EPS15L1: variants seen among roughly 807,000 people sequenced by gnomAD.
EPS15L1 encodes the protein epidermal growth factor receptor substrate 15-like 1.
Under a neutral mutation model 117.1 loss-of-function variants are expected in EPS15L1, and 43 were observed. That is an observed-to-expected ratio of 0.37 (90% CI 0.29 to 0.47). The LOEUF (loss-of-function observed/expected upper bound fraction) is 0.47. EPS15L1 is among the 20% of genes least tolerant of loss of function. The pLI is 0.99. For synonymous variants in EPS15L1, 459 were observed against 470.5 expected, an observed-to-expected ratio of 0.98 and a Z score of 0.32; for missense variants, 981 against 1,164.0, an observed-to-expected ratio of 0.84 and a Z score of 2.29.
intron 7 of EPS15L1, among the ~76,000 whole-genome samples, chr19:16,433,443 T>C (rs899372853): frequency 1.3e-5 from 2 of 152,134 alleles, no homozygotes; most frequent in Non-Finnish European, 2.9e-5. Context: ...AGACTTTCTT[T>C]AAAGAGAATG....
At position 16,471,966 on chromosome 19, in the gene EPS15L1, C is replaced by G; in HGVS notation, c.-21G>C. On this transcript the variant is annotated 5_prime_UTR_variant, in exon 1 of 24. Transcript: ENST00000455140. This position sits in a 1 kb window ranked among gnomAD's most constrained non-coding sequence, Gnocchi z 4.8. ...GCCATCTTCCCGCGGACTCGGGCTC[C>G]GAGCGCCGGGGGAACGGGGGCGGGG... 7.8e-7 allele frequency: 1 copy of G among 1,280,908 alleles called. No homozygotes were observed. The highest frequency in any genetic ancestry group is 9.8e-7 in the Non-Finnish European group (1 of 1,015,270). 79.3% of individuals were successfully genotyped at this position (1,280,908 alleles called of 1,614,324 possible).
intron 16 of EPS15L1, chr19:16,401,211 G>T (rs976842375): frequency 2.0e-6 from 2 of 985,342 alleles, no homozygotes; most frequent in Admixed American, 6.2e-5. Flanking sequence ...ACCCAGCGGG[G>T]GCCAGACACA....
intron 13 of EPS15L1, among the ~76,000 whole-genome samples, chr19:16,406,546 G>T (rs1189024801): frequency 6.6e-6 from 1 of 152,168 alleles, no homozygotes; most frequent in Non-Finnish European, 1.5e-5. Context: ...TCTAACCCTG[G>T]CCCCATCACC....
intron 2 of EPS15L1, 80 bp from the exon 3 acceptor site, chr19:16,442,061 TC>T (rs2093037627): frequency 6.8e-7 from 1 of 1,480,274 alleles, no homozygotes; most frequent in African/African-American, 1.4e-5. Flanking sequence ...ACGCTAACTA[TC>T]CGCTGACAGT....
Position 16,383,629 on chromosome 19 carries a change from G to T in EPS15L1, c.2247+1500C>A. On this transcript the variant is annotated intron_variant, in intron 21 of 23. Coordinates refer to ENST00000455140, the MANE Select transcript of EPS15L1 (RefSeq NM_001258374.3). The surrounding 1 kb of genome is among the most constrained non-coding windows in gnomAD (Gnocchi z 5.2). ...ATGCCAGGGCCTCTGGGCTCCCTCT[G>T]CCCAGGCTCATCTGTGTAAACACAC... The T allele has an allele frequency of 6.6e-6, 1 of 152,342 alleles. No individual in the cohort carries two copies. The highest frequency in any genetic ancestry group is 1.5e-5 in the Non-Finnish European group (1 of 68,088). 9.4% of individuals were successfully genotyped at this position (152,342 alleles called of 1,614,324 possible). A position where few individuals can be genotyped will look rare whatever the true frequency, so the allele number is the denominator to read the frequency against.
At chr19:16,456,644 G>A (rs1017044612) in intron 1 of EPS15L1, among the ~76,000 whole-genome samples, 5 of 151,864 alleles carry the variant, frequency 3.3e-5, no homozygotes, top group African/African-American at 1.2e-4. Flanking sequence ...GGTGACAAGA[G>A]TGAAACTCCA....
chr19:16,364,429 A>G (rs1450373794), intron 22 of EPS15L1, among the ~76,000 whole-genome samples: 1 of 152,008 alleles, frequency 6.6e-6, no homozygotes, highest in Non-Finnish European at 1.5e-5. Flanking sequence ...CTATCCCCAG[A>G]TGTCCCTCCC....
intron 17 of EPS15L1, 43 bp from the exon 18 acceptor site, chr19:16,394,044 A>C (rs1422279294): frequency 6.3e-7 from 1 of 1,596,446 alleles, no homozygotes; most frequent in African/African-American, 1.3e-5. Context: ...TCTAGGGCAC[A>C]GGATGCGGGC....
Position 16,355,636 on chromosome 19 carries a change from T to C in EPS15L1, c.*69A>G. ...GGTGGCGACGGTGTGTGTGTGTATA[T>C]ATAGACATCTGCACTGCCCCCTCTC... On this transcript the variant is annotated 3_prime_UTR_variant, in exon 24 of 24. Transcript: ENST00000455140. 1.5e-5 allele frequency: 23 copies of C among 1,493,306 alleles called. No homozygotes were observed. The highest frequency in any genetic ancestry group is 2.0e-5 in the Non-Finnish European group (22 of 1,117,224). 92.5% of individuals were successfully genotyped at this position (1,493,306 alleles called of 1,614,324 possible). A position where few individuals can be genotyped will look rare whatever the true frequency, so the allele number is the denominator to read the frequency against.
intron 10 of EPS15L1, 24 bp downstream of exon 10, chr19:16,421,295 C>T: frequency 6.3e-7 from 1 of 1,586,088 alleles, no homozygotes; most frequent in Non-Finnish European, 8.6e-7. Context: ...CCCACAGCCA[C>T]AACTGCCACC....
chr19:16,468,287 A>C (rs2093320459), intron 1 of EPS15L1, among the ~76,000 whole-genome samples: 1 of 152,184 alleles, frequency 6.6e-6, no homozygotes. Flanking sequence ...AAGAGCCAGA[A>C]GTGCAGGAAA....
intron 12 of EPS15L1, among the ~76,000 whole-genome samples, chr19:16,415,458 A>G (rs2092749198): frequency 1.3e-5 from 2 of 152,138 alleles, no homozygotes; most frequent in South Asian, 4.1e-4. Context: ...GTGCAACAAT[A>G]AGGCCCTCTC....
At chr19:16,362,547 A>G (rs1458446933) in intron 22 of EPS15L1, among the ~76,000 whole-genome samples, 5 of 128,276 alleles carry the variant, frequency 3.9e-5, no homozygotes, top group Admixed American at 2.7e-4. Flanking sequence ...TTTCAGAGAC[A>G]GAGTCTTGCT....
chr19:16,455,537 G>A (rs747333026), intron 1 of EPS15L1, among the ~76,000 whole-genome samples: 6 of 151,044 alleles, frequency 4.0e-5, no homozygotes, highest in Non-Finnish European at 5.9e-5. Flanking sequence ...GTCTTCAGGA[G>A]AGACTGCCCA....
In EPS15L1 at chr19:16,471,854, G is replaced by A; in HGVS notation, c.33+59C>T. The A allele has an allele frequency of 2.8e-6, 3 of 1,075,718 alleles. No homozygotes were observed. The highest frequency in any genetic ancestry group is 2.4e-5 in the South Asian group (1 of 41,382). 66.6% of individuals were successfully genotyped at this position (1,075,718 alleles called of 1,614,324 possible). A position where few individuals can be genotyped will look rare whatever the true frequency, so the allele number is the denominator to read the frequency against. ...AGTCTCCCAGCGCCTCAGCCTCGCC[G>A]CACCGCTCGCCTCGCGCCCCGCACC... On this transcript the variant is annotated intron_variant, in intron 1 of 23. Coordinates refer to ENST00000455140, the MANE Select transcript of EPS15L1 (RefSeq NM_001258374.3). This position sits in a 1 kb window ranked among gnomAD's most constrained non-coding sequence, Gnocchi z 4.8.
chr19:16,400,682 G>A (rs1004865259), intron 16 of EPS15L1: 33 of 985,202 alleles, frequency 3.3e-5, no homozygotes, highest in African/African-American at 2.4e-4. Flanking sequence ...TTTTTCTTTC[G>A]GATGCCAGTT....
intron 22 of EPS15L1, among the ~76,000 whole-genome samples, chr19:16,369,678 T>TGTGA (rs760307150): frequency 1.8e-5 from 1 of 54,508 alleles, no homozygotes; most frequent in African/African-American, 6.4e-5. Flanking sequence ...GAAAAAAAAG[T>TGTGA]GTGTGTGTGT....
intron 1 of EPS15L1, among the ~76,000 whole-genome samples, chr19:16,448,407 G>A (rs2093105893): frequency 6.6e-6 from 1 of 151,980 alleles, no homozygotes; most frequent in South Asian, 2.1e-4. Flanking sequence ...GCGCATGCCT[G>A]TAATCCCAGC....
In EPS15L1 at chr19:16,407,309, A is replaced by AT. The variant is rs200766134; in HGVS notation, c.1267-2561dup. Among the ~76,000 whole-genome samples the AT allele has an allele frequency of 4.9e-3, 735 of 150,214 alleles. 24 individuals are homozygous for AT. In the East Asian group the frequency reaches 0.071, roughly 15 times the overall value. On this transcript the variant is annotated intron_variant, in intron 13 of 23. Transcript: ENST00000455140. ...CCCTTTCTTCTCCCCACTCCCCAGCATTTTTTTTTCTTTTGAGACAGAATC... is the reference window on the plus strand; with the variant it reads ...CCCTTTCTTCTCCCCACTCCCCAGCATTTTTTTTTTCTTTTGAGACAGAATC...
Sources: allele counts gnomAD v4.1 joint callset (sites outside exome capture counted in the v4.1 genomes callset), GRCh38; gene constraint gnomAD v4.1.1; non-coding constraint Gnocchi (gnomAD v3.1); transcripts MANE v1.5; gene names NCBI Gene and HGNC (gene_info 2026-07-23, HGNC 2026-07-21).